Variants in NCKAP1 observed in about 807,000 individuals in gnomAD.
The protein encoded by NCKAP1 is nck-associated protein 1.
Under a neutral mutation model 151.2 loss-of-function variants are expected in NCKAP1, and 21 were observed. The observed-to-expected ratio is 0.14, with a 90% CI of 0.10 to 0.20. NCKAP1 has a LOEUF of 0.20. NCKAP1 is among the 10% of genes least tolerant of loss of function. The probability of loss-of-function intolerance (pLI) is 1.00; values close to 1 mark genes in which losing one functional copy is unlikely to be tolerated. For synonymous variants in NCKAP1, 484 were observed against 451.8 expected (o/e 1.07, Z -0.90); for missense variants, 933 against 1,352.1 (o/e 0.69, Z 4.86).
chr2:183,008,330 T>C (rs1698520884), intron 2 of NCKAP1, among the ~76,000 whole-genome samples: 2 of 152,264 alleles, frequency 1.3e-5, no homozygotes, highest in African/African-American at 2.4e-5. Context: ...GAATTCTCTA[T>C]ACTATTTTTG....
chr2:182,972,263 A>C (rs1308170304), intron 15 of NCKAP1, among the ~76,000 whole-genome samples: 1 of 151,462 alleles, frequency 6.6e-6, no homozygotes, highest in Non-Finnish European at 1.5e-5. Flanking sequence ...GATTTTAAAA[A>C]TGGGCAAAAG....
intron 2 of NCKAP1, among the ~76,000 whole-genome samples, chr2:183,014,879 G>A (rs544414443): frequency 6.6e-6 from 1 of 152,346 alleles, no homozygotes; most frequent in East Asian, 1.9e-4. Context: ...TAGTGATAAT[G>A]TCCTCTGCTA....
chr2:183,018,151 G>A (rs1203604226), intron 2 of NCKAP1, among the ~76,000 whole-genome samples: 1 of 152,122 alleles, frequency 6.6e-6, no homozygotes, highest in Non-Finnish European at 1.5e-5. Flanking sequence ...GGAAGCTGAG[G>A]CAGGAGAATC....
chr2:182,991,176 T>G (rs1698163592), intron 8 of NCKAP1, among the ~76,000 whole-genome samples: 1 of 152,228 alleles, frequency 6.6e-6, no homozygotes, highest in South Asian at 2.1e-4. Context: ...CACTTACAAG[T>G]TAAAAGTGTT....
chr2:182,971,393 C>CA (rs1190689259), intron 15 of NCKAP1, among the ~76,000 whole-genome samples: 3,103 of 67,912 alleles, frequency 0.046, 137 homozygotes, highest in Admixed American at 0.055. Context: ...GACTCCGTCT[C>CA]AAAAAAAAAA....
Position 183,023,940 on chromosome 2 carries a change from A to C in NCKAP1, c.109-24T>G, listed in dbSNP as rs762984546. The C allele has an allele frequency of 4.1e-6, 6 of 1,454,044 alleles. No individual in the cohort carries two copies. In the South Asian group the frequency reaches 7.3e-5, roughly 18 times the overall value. 90.1% of individuals were successfully genotyped at this position (1,454,044 alleles called of 1,614,324 possible). The stretch of plus-strand genomic sequence containing the variant: ...GCCTATAAAACAACAGTAATAAAAA[A>C]AAGTGAAATGCACCCTTCTTCTAAA... On this transcript the variant is annotated intron_variant, in intron 1 of 30. Transcript: ENST00000361354.
At chr2:183,013,343 A>T (rs938599278) in intron 2 of NCKAP1, among the ~76,000 whole-genome samples, 1 of 152,110 alleles carries the variant, frequency 6.6e-6, no homozygotes, top group African/African-American at 2.4e-5. Flanking sequence ...CATTCACTGT[A>T]CTACTCCCAC....
At chr2:182,988,054 T>A (rs1698092231) in intron 9 of NCKAP1, among the ~76,000 whole-genome samples, 1 of 152,172 alleles carries the variant, frequency 6.6e-6, no homozygotes, top group African/African-American at 2.4e-5. Context: ...TTTCTGTTTG[T>A]ATTTTCTCTC....
intron 11 of NCKAP1, 24 bp downstream of exon 11, chr2:182,983,262 T>G (rs758806711): frequency 2.6e-6 from 4 of 1,521,350 alleles, no homozygotes; most frequent in South Asian, 1.2e-5. Flanking sequence ...GCACAATTAT[T>G]GAAATAATAA....
At chr2:183,029,606 G>A (rs1698966622) in intron 1 of NCKAP1, among the ~76,000 whole-genome samples, 1 of 151,948 alleles carries the variant, frequency 6.6e-6, no homozygotes, top group Admixed American at 6.6e-5. Context: ...AGAATTGCTG[G>A]AGCCCACAAG....
intron 15 of NCKAP1, among the ~76,000 whole-genome samples, chr2:182,968,022 A>C (rs1465043320): frequency 6.6e-6 from 1 of 152,236 alleles, no homozygotes; most frequent in East Asian, 1.9e-4. Flanking sequence ...ATGCCTACAG[A>C]ATAAGTACTG....
intron 2 of NCKAP1, among the ~76,000 whole-genome samples, chr2:183,014,159 G>C (rs1698640470): frequency 6.6e-6 from 1 of 152,074 alleles, no homozygotes; most frequent in Admixed American, 6.6e-5. Flanking sequence ...TTCACTGCTG[G>C]AATCCTCTCT....
In NCKAP1 at chr2:182,917,819, T is replaced by C. The variant is rs962797954; in HGVS notation, c.*7883A>G. The C allele has an allele frequency of 2.6e-5, 4 of 152,158 alleles. No individual in the cohort carries two copies. Among genetic ancestry groups the C allele is most frequent in the Non-Finnish European group, 5.9e-5 (4 of 68,030 alleles). The allele number at this position is 152,158 out of a possible 1,614,324, so 9.4% of individuals were successfully genotyped here. ...CAAATATGTGACATATTATCTACTA[T>C]ATATGTGGGATAAGACAGCCTAGGA... On this transcript the variant is annotated 3_prime_UTR_variant, in exon 31 of 31. Coordinates refer to ENST00000361354, the MANE Select transcript of NCKAP1 (RefSeq NM_013436.5).
In NCKAP1 at chr2:182,917,697, A is replaced by C. The variant is rs999740626; in HGVS notation, c.*8005T>G. 1 of 152,232 alleles carries C rather than the reference A, an allele frequency of 6.6e-6. No individual in the cohort carries two copies. The highest frequency in any genetic ancestry group is 3.2e-3 in the Middle Eastern group (1 of 316). The allele number at this position is 152,232 out of a possible 1,614,324, so 9.4% of individuals were successfully genotyped here. On this transcript the variant is annotated 3_prime_UTR_variant, in exon 31 of 31. Coordinates refer to ENST00000361354, the MANE Select transcript of NCKAP1 (RefSeq NM_013436.5). ...AGGATCTCACTTCAACAGCTGCGTT[A>C]CCTTCAGAAAATAGTAAAAACCATT...
chr2:183,015,000 T>C (rs1575065982), intron 2 of NCKAP1, among the ~76,000 whole-genome samples: 1 of 152,152 alleles, frequency 6.6e-6, no homozygotes, highest in Non-Finnish European at 1.5e-5. Flanking sequence ...TTGAAGAGTA[T>C]GGAAAAATGA....
chr2:183,037,429 G>C (rs1316507452), intron 1 of NCKAP1, among the ~76,000 whole-genome samples: 3 of 152,012 alleles, frequency 2.0e-5, no homozygotes, highest in African/African-American at 4.8e-5. Flanking sequence ...ATCCCAAATC[G>C]TCAACACACT....
chr2:182,984,991 C>A (rs1575047644), intron 10 of NCKAP1, among the ~76,000 whole-genome samples: 2 of 152,102 alleles, frequency 1.3e-5, no homozygotes, highest in East Asian at 1.9e-4. Context: ...AGCGTCTATC[C>A]CACGAAGAAA....
rs1303764996 is a variant in NCKAP1, at chr2:182,916,711, T to C, written c.*8991A>G. ...AAGCTTCCAAGAGCAATTGTCGCAA[T>C]TGTTCTGGATACTGCAATAACATTT... On this transcript the variant is annotated 3_prime_UTR_variant, in exon 31 of 31. Transcript: ENST00000361354. 2.0e-5 allele frequency: 3 copies of C among 152,218 alleles called. No individual in the cohort carries two copies. Among genetic ancestry groups the C allele is most frequent in the African/African-American group, 4.8e-5 (2 of 41,450 alleles). The allele number at this position is 152,218 out of a possible 1,614,324, so 9.4% of individuals were successfully genotyped here.
At chr2:183,025,933 C>A (rs964611009) in intron 1 of NCKAP1, among the ~76,000 whole-genome samples, 1 of 152,142 alleles carries the variant, frequency 6.6e-6, no homozygotes, top group Non-Finnish European at 1.5e-5. Context: ...ATTTAGCTAT[C>A]CATTCCTCTA....
Sources: gnomAD v4.1 joint callset for allele counts (sites outside exome capture counted in the v4.1 genomes callset) on GRCh38, gnomAD v4.1.1 for gene constraint, MANE v1.5 for transcripts, NCBI Gene and HGNC (gene_info 2026-07-23, HGNC 2026-07-21) for gene names.